Variants in DUOX1 observed in about 807,000 individuals in gnomAD.
DUOX1 encodes dual oxidase 1, also known as NADPH thyroid oxidase 1.
DUOX1 carries 134 observed loss-of-function variants against 181.8 expected under a neutral mutation model. That is an observed-to-expected ratio of 0.74 (90% CI 0.64 to 0.85). The LOEUF is 0.85. DUOX1 is among the 40% of genes least tolerant of loss of function. DUOX1 has a pLI of 0.00. For missense variants in DUOX1, 1,814 were observed against 2,064.4 expected, an observed-to-expected ratio of 0.88 and a Z score of 2.35; for synonymous variants, 798 against 832.5, an observed-to-expected ratio of 0.96 and a Z score of 0.71.
chr15:45,135,332 C>G, intron 5 of DUOX1, 41 bp downstream of exon 5: 1 of 1,542,008 alleles, frequency 6.5e-7, no homozygotes, highest in Non-Finnish European at 8.7e-7. Context: ...GCACCCCAGC[C>G]AGGTGGGACC....
At position 45,131,906 on chromosome 15, in the gene DUOX1, G is replaced by C; in HGVS notation, c.-49-12G>C. 1 of 1,563,510 alleles carries C rather than the reference G, an allele frequency of 6.4e-7. No homozygotes were observed. Among genetic ancestry groups the C allele is most frequent in the Non-Finnish European group, 8.8e-7 (1 of 1,134,356 alleles). On this transcript the variant is annotated splice_polypyrimidine_tract_variant and intron_variant, in intron 1 of 33. Transcript: ENST00000389037. The stretch of plus-strand genomic sequence containing the variant: ...AGTAGCTGGGGCTCATTCTTTGCCT[G>C]TCTTTTTCTAGGGTCTCCATTTTGG...
intron 30 of DUOX1, 86 bp from the exon 31 acceptor site, chr15:45,162,133 G>A (rs896970691): frequency 3.9e-6 from 6 of 1,543,080 alleles, no homozygotes; most frequent in Admixed American, 1.8e-5. Flanking sequence ...CTCCATATAC[G>A]TATCTACCTT....
chr15:45,140,725 T>C (rs190488761), intron 12 of DUOX1, 170 bp from the exon 13 acceptor site: 67 of 600,538 alleles, frequency 1.1e-4, no homozygotes, highest in African/African-American at 1.5e-4. Context: ...AGTTCACTTA[T>C]GTAAAACACT....
intron 7 of DUOX1, 81 bp from the exon 8 acceptor site, chr15:45,136,269 G>A: frequency 6.2e-7 from 1 of 1,601,994 alleles, no homozygotes; most frequent in Non-Finnish European, 8.5e-7. Context: ...ATCTCCACAC[G>A]GAAGCCGTCC....
Position 45,161,808 on chromosome 15 carries a change from T to C in DUOX1, c.3927T>C (p.Ala1309=), listed in dbSNP as rs1897109802. ...EYKSGQWVRI[A]CLALGTTEYH... is the part of the protein sequence containing the mutation. The stretch of plus-strand genomic sequence containing the variant: ...AGTCAGGGCAGTGGGTGCGGATCGC[T>C]TGCCTGGCTCTGGGGACCACCGAGT... The change falls in exon 30 of 34, where the codon GCT becomes GCC. Residue 1309 remains alanine (A), a synonymous_variant. Transcript: ENST00000389037. 6.2e-7 allele frequency: 1 copy of C among 1,613,970 alleles called. No homozygotes were observed.
chr15:45,153,493 AATGTGTGTGTGTGTGTGT>A lies in DUOX1; in HGVS notation c.3524+15_3524+32del, dbSNP rs1456761084. On this transcript the variant is annotated intron_variant, in intron 26 of 33. Coordinates refer to ENST00000389037, the MANE Select transcript of DUOX1 (RefSeq NM_175940.3). ...CCATGATGATGGGTGAGTAAGTGCG[AATGTGTGTGTGTGTGTGT>A]GTGTGTGTGTGTGTGTGTGTGTGTG... is the stretch of plus-strand genomic sequence containing the variant. The A allele has an allele frequency of 4.1e-4, 494 of 1,192,504 alleles. No individual in the cohort carries two copies. Among genetic ancestry groups the A allele is most frequent in the Middle Eastern group, 9.4e-4 (5 of 5,302 alleles). The allele number at this position is 1,192,504 out of a possible 1,614,324, so 73.9% of individuals were successfully genotyped here.
chr15:45,158,025 G>A (rs1472361945), intron 28 of DUOX1, among the ~76,000 whole-genome samples: 1 of 151,044 alleles, frequency 6.6e-6, no homozygotes, highest in African/African-American at 2.5e-5. Flanking sequence ...CTAGACCCTG[G>A]GGAAGGATGG....
chr15:45,151,314 C>T, intron 23 of DUOX1, 66 bp downstream of exon 23: 2 of 1,579,634 alleles, frequency 1.3e-6, no homozygotes, highest in Non-Finnish European at 1.7e-6. Flanking sequence ...AACATCTTTT[C>T]CTTGGTGCCA....
rs2141291339 is a variant in DUOX1, at chr15:45,153,319, G to C, written c.3425-61G>C. The C allele has an allele frequency of 4.3e-6, 6 of 1,385,622 alleles. No homozygotes were observed. In the East Asian group the frequency reaches 1.4e-4, roughly 32 times the overall value. 85.8% of individuals were successfully genotyped at this position (1,385,622 alleles called of 1,614,324 possible). On this transcript the variant is annotated intron_variant, in intron 25 of 33. Transcript: ENST00000389037. Reference sequence around the variant, plus strand: ...TGGCCAGGGTCCTCGATCTTGGGCTGAATGAGTGAGCACCCACCCTGGGCT... The same window carrying C: ...TGGCCAGGGTCCTCGATCTTGGGCTCAATGAGTGAGCACCCACCCTGGGCT...
chr15:45,147,588 G>A lies in DUOX1; in HGVS notation c.2478G>A (p.Leu826=). The change falls in exon 19 of 34, where the codon CTG becomes CTA. Residue 826 remains leucine, a synonymous_variant. Coordinates refer to ENST00000389037, the MANE Select transcript of DUOX1 (RefSeq NM_175940.3). ...TGTTTGTGGAGTCCATGTTCTCTCT[G>A]GCTGACAAGGATGGCAATGGCTACC... is the stretch of plus-strand genomic sequence containing the variant. ...QDMFVESMFS[L]ADKDGNGYLS... The A allele has an allele frequency of 6.2e-7, 1 of 1,614,186 alleles. No homozygotes were observed. Among genetic ancestry groups the A allele is most frequent in the Non-Finnish European group, 8.5e-7 (1 of 1,180,028 alleles).
chr15:45,140,124 G>C, intron 12 of DUOX1: 1 of 1,136,392 alleles, frequency 8.8e-7, no homozygotes, highest in Non-Finnish European at 1.2e-6. Context: ...TGATGGTGCT[G>C]AACAGGGGTC....
In DUOX1 at chr15:45,151,174, G is replaced by C. The variant is rs753456509; in HGVS notation, c.2940G>C (p.Glu980Asp). ...GTTCCCGCAGCGACATTGAGACTGA[G>C]TTGACACCTCAGAGACTGCAGTGCC... ...ARCSRSDIET[E>D]LTPQRLQCPM... Residue 980 changes from glutamate to aspartate, a missense_variant, in exon 23 of 34, where the codon GAG becomes GAC. By Grantham distance (45) the Glu-to-Asp change is conservative. Coordinates refer to ENST00000389037, the MANE Select transcript of DUOX1 (RefSeq NM_175940.3). 1 of 1,614,208 alleles carries C rather than the reference G, an allele frequency of 6.2e-7. No homozygotes were observed. Among genetic ancestry groups the C allele is most frequent in the South Asian group, 1.1e-5 (1 of 91,084 alleles).
At chr15:45,140,767 T>C (rs1369639822) in intron 12 of DUOX1, 128 bp from the exon 13 acceptor site, 2 of 906,768 alleles carry the variant, frequency 2.2e-6, no homozygotes, top group Non-Finnish European at 3.4e-6. Flanking sequence ...ATAAGCACTG[T>C]ATAGGAGTGA....
intron 15 of DUOX1, 37 bp from the exon 16 acceptor site, chr15:45,143,153 C>T (rs768996648): frequency 1.3e-6 from 2 of 1,550,448 alleles, no homozygotes; most frequent in Non-Finnish European, 8.9e-7. Context: ...CCCCTAGACC[C>T]CCACGTCTCC....
intron 8 of DUOX1, 34 bp downstream of exon 8, chr15:45,136,444 G>A: frequency 6.2e-7 from 1 of 1,614,140 alleles, no homozygotes; most frequent in East Asian, 2.2e-5. Context: ...GGGAGGGCTT[G>A]CGTGTGTCTT....
chr15:45,137,699 G>A (rs1896363790), intron 9 of DUOX1, among the ~76,000 whole-genome samples: 1 of 152,080 alleles, frequency 6.6e-6, no homozygotes, highest in African/African-American at 2.4e-5. Context: ...GAGAGAGAGT[G>A]TGTGTGTTAA....
At chr15:45,154,043 G>A (rs1426274878) in intron 27 of DUOX1, 43 bp downstream of exon 27, 2 of 1,595,492 alleles carry the variant, frequency 1.3e-6, no homozygotes, top group African/African-American at 1.3e-5. Flanking sequence ...ACCTGACTGT[G>A]AGTTCAAGGC....
chr15:45,142,193 A>G, intron 15 of DUOX1, 81 bp downstream of exon 15: 1 of 1,439,086 alleles, frequency 6.9e-7, no homozygotes, highest in South Asian at 1.3e-5. Flanking sequence ...AATGACAACA[A>G]ACCACGCAAA....
Position 45,151,152 on chromosome 15 carries a change from C to G in DUOX1, c.2918C>G (p.Ser973Cys), listed in dbSNP as rs1199066309. 1.2e-6 allele frequency: 2 copies of G among 1,614,042 alleles called. No individual in the cohort carries two copies. Among genetic ancestry groups the G allele is most frequent in the East Asian group, 2.2e-5 (1 of 44,890 alleles). Residue 973 changes from serine (S) to cysteine (C), a missense_variant, in exon 23 of 34, where the codon TCC (serine) becomes TGC (cysteine). By Grantham distance (112) the Ser-to-Cys change is moderately radical. Transcript: ENST00000389037. ...TCTCCCAGAGTGAGTGCCCGCTGTT[C>G]CCGCAGCGACATTGAGACTGAGTTG... ...CPSPRVSARC[S>C]RSDIETELTP...
Sources: gnomAD v4.1 joint callset for allele counts (sites outside exome capture counted in the v4.1 genomes callset) on GRCh38, gnomAD v4.1.1 for gene constraint, MANE v1.5 for transcripts, NCBI Gene and HGNC (gene_info 2026-07-23, HGNC 2026-07-21) for gene names.